The following NFS1 variants were observed in gnomAD, a reference collection of about 807,000 sequenced individuals.
NFS1 encodes the protein cysteine desulfurase.
A neutral mutation model predicts 57.3 loss-of-function variants in NFS1; 26 were observed. The ratio of observed to expected loss-of-function variants is 0.45; its 90% CI spans 0.33 to 0.63. The LOEUF is 0.63. Among genes scored for constraint, NFS1 ranks in the 20% least tolerant of loss-of-function variants. NFS1 has a pLI of 0.02. For missense variants in NFS1, 505 were observed against 605.8 expected (o/e 0.83, Z 1.75); for synonymous variants, 209 against 216.3 (o/e 0.97, Z 0.30).
intron 12 of NFS1, 107 bp from the exon 13 acceptor site, chr20:35,669,792 C>G: frequency 4.0e-6 from 4 of 1,007,622 alleles, no homozygotes; most frequent in South Asian, 1.3e-5. Flanking sequence ...CCCTGTCTGT[C>G]CTCTGCCTCT....
At chr20:35,673,790 G>T in intron 10 of NFS1, 106 bp from the exon 11 acceptor site, 2 of 808,068 alleles carry the variant, frequency 2.5e-6, no homozygotes, top group South Asian at 3.2e-5. Context: ...GTCATACCCT[G>T]GAGAAAACAA....
intron 12 of NFS1, 66 bp from the exon 13 acceptor site, chr20:35,669,751 A>G: frequency 6.8e-7 from 1 of 1,471,392 alleles, no homozygotes; most frequent in Non-Finnish European, 9.5e-7. Flanking sequence ...ATTGGCCCCA[A>G]GGCTCTGAGC....
chr20:35,674,998 C>T (rs754023282), intron 8 of NFS1, 47 bp downstream of exon 8: 7 of 1,612,442 alleles, frequency 4.3e-6, no homozygotes, highest in Admixed American at 3.3e-5. Flanking sequence ...AAATAGGAGA[C>T]CCAGCACAGG....
chr20:35,695,935 G>C (rs771448477), intron 4 of NFS1, among the ~76,000 whole-genome samples: 1 of 152,070 alleles, frequency 6.6e-6, no homozygotes, highest in Non-Finnish European at 1.5e-5. Context: ...AGCTACTCTG[G>C]AGGCTGAGGC....
intron 10 of NFS1, chr20:35,673,913 G>A (rs987576424): frequency 8.2e-6 from 4 of 486,978 alleles, no homozygotes; most frequent in Non-Finnish European, 1.5e-5. Flanking sequence ...AAGCAAGGAC[G>A]CTGGCAAAGT....
chr20:35,689,767 T>TA (rs1439695486), intron 5 of NFS1, among the ~76,000 whole-genome samples: 1 of 143,374 alleles, frequency 7.0e-6, no homozygotes, highest in African/African-American at 2.6e-5. Flanking sequence ...AGACTCTGTT[T>TA]TAAAAAAAAA....
intron 6 of NFS1, among the ~76,000 whole-genome samples, chr20:35,681,604 G>A (rs1400986725): frequency 6.6e-6 from 1 of 151,986 alleles, no homozygotes; most frequent in East Asian, 1.9e-4. Flanking sequence ...AGGCTGAGGC[G>A]GTAGGATCAT....
At chr20:35,697,886 T>A in intron 2 of NFS1, 86 bp from the exon 3 acceptor site, 1 of 825,524 alleles carries the variant, frequency 1.2e-6, no homozygotes, top group Non-Finnish European at 2.0e-6. Flanking sequence ...CACCCTGCCT[T>A]AAGACACTCT....
intron 5 of NFS1, among the ~76,000 whole-genome samples, chr20:35,683,805 A>G (rs181022719): frequency 2.6e-4 from 39 of 150,018 alleles, no homozygotes; most frequent in African/African-American, 5.2e-4. Flanking sequence ...AAAAAAAAAA[A>G]AAAAAAAGAA....
intron 5 of NFS1, among the ~76,000 whole-genome samples, chr20:35,685,245 T>C (rs1164402649): frequency 2.6e-5 from 4 of 151,710 alleles, no homozygotes; most frequent in Non-Finnish European, 4.4e-5. Context: ...CATCATAGCC[T>C]GCGCCTATAG....
Position 35,678,070 on chromosome 20 carries a change from C to T in NFS1, c.790+2667G>A, listed in dbSNP as rs773510747. Reference sequence around the variant, plus strand: ...CTCTACTAAAAATACAAAAATTAGGCCGGGTGTGGTGGCTCACACCTGTAT... The same window carrying T: ...CTCTACTAAAAATACAAAAATTAGGTCGGGTGTGGTGGCTCACACCTGTAT... On this transcript the variant is annotated intron_variant, in intron 7 of 12. Coordinates refer to ENST00000374092, the MANE Select transcript of NFS1 (RefSeq NM_021100.5). Among the ~76,000 whole-genome samples, 85 of 152,072 alleles carry T rather than the reference C, an allele frequency of 5.6e-4. 3 individuals are homozygous for T. The highest frequency in any genetic ancestry group is 4.2e-4 in the South Asian group (2 of 4,814).
chr20:35,698,384 A>C, intron 2 of NFS1, 97 bp downstream of exon 2: 1 of 961,328 alleles, frequency 1.0e-6, no homozygotes, highest in Non-Finnish European at 1.6e-6. Flanking sequence ...GCACACCTTC[A>C]CGGCTCTCAC....
At chr20:35,690,810 G>C (rs574484342) in intron 4 of NFS1, among the ~76,000 whole-genome samples, 3 of 152,160 alleles carry the variant, frequency 2.0e-5, no homozygotes, top group Non-Finnish European at 4.4e-5. Flanking sequence ...AGTCCCAGGG[G>C]TCTCAAGCTA....
intron 4 of NFS1, chr20:35,694,697 G>C (rs2035101243): frequency 6.6e-6 from 1 of 152,024 alleles, no homozygotes; most frequent in African/African-American, 2.4e-5. Flanking sequence ...AGACCATTCT[G>C]GCTAACACAG....
At chr20:35,684,562 C>A (rs2034907480) in intron 5 of NFS1, among the ~76,000 whole-genome samples, 1 of 151,452 alleles carries the variant, frequency 6.6e-6, no homozygotes, top group Non-Finnish European at 1.5e-5. Flanking sequence ...CCAGCCCAGC[C>A]AACATGGTGA....
intron 7 of NFS1, among the ~76,000 whole-genome samples, chr20:35,676,778 AAAAAAAAC>A (rs1338165938): frequency 4.0e-5 from 6 of 149,098 alleles, no homozygotes; most frequent in African/African-American, 9.9e-5. Flanking sequence ...AAAAAAAAAA[AAAAAAAAC>A]CAAGAAAGAA....
At chr20:35,679,647 T>C (rs1305504636) in intron 7 of NFS1, among the ~76,000 whole-genome samples, 1 of 152,072 alleles carries the variant, frequency 6.6e-6, no homozygotes, top group Non-Finnish European at 1.5e-5. Context: ...CTTTTTGAAA[T>C]AATAACTCAC....
chr20:35,677,567 A>G (rs919548292), intron 7 of NFS1, among the ~76,000 whole-genome samples: 3 of 152,186 alleles, frequency 2.0e-5, no homozygotes, highest in Non-Finnish European at 4.4e-5. Flanking sequence ...AAAAATGCGT[A>G]TAACCTGTGA....
rs1194515379 is a variant in NFS1 at position 35,676,773 on chromosome 20, AAAAAAAAAAAAAC to A, written c.791-1584_791-1572del. Among the ~76,000 whole-genome samples, 77 of 148,928 alleles carry A rather than the reference AAAAAAAAAAAAAC, an allele frequency of 5.2e-4. 4 individuals are homozygous for A. Among genetic ancestry groups the A allele is most frequent in the Non-Finnish European group, 1.8e-4 (12 of 67,160 alleles). ...GAGAAAATCAGAAAAAAAAAAAAAA[AAAAAAAAAAAAAC>A]CAAGAAAGAAATTACCTCCCCAGAA... On this transcript the variant is annotated intron_variant, in intron 7 of 12. Transcript: ENST00000374092.
Sources: gnomAD v4.1 joint callset for allele counts (sites outside exome capture counted in the v4.1 genomes callset) on GRCh38, gnomAD v4.1.1 for gene constraint, MANE v1.5 for transcripts, NCBI Gene and HGNC (gene_info 2026-07-23, HGNC 2026-07-21) for gene names.